Variants in TRMT1L observed in about 807,000 individuals in gnomAD.
TRMT1L encodes tRNA (guanine(27)-N(2))-dimethyltransferase.
A neutral mutation model predicts 81.6 loss-of-function variants in TRMT1L; 28 were observed. The observed-to-expected ratio is 0.34, with a 90% confidence interval of 0.25 to 0.47. The LOEUF (loss-of-function observed/expected upper bound fraction) is 0.47, where lower values mean the gene tolerates loss of function less well. TRMT1L is among the 20% of genes least tolerant of loss of function. The pLI, the probability that TRMT1L is intolerant of heterozygous loss-of-function variation, is 1.00. For synonymous variants in TRMT1L, 301 were observed against 303.2 expected, an observed-to-expected ratio of 0.99 and a Z score of 0.07; for missense variants, 739 against 877.1, an observed-to-expected ratio of 0.84 and a Z score of 1.99.
rs995312610 is a variant in TRMT1L, at chr1:185,145,444, A to G, written c.650T>C (p.Ile217Thr). 1.3e-5 allele frequency: 21 copies of G among 1,609,676 alleles called. No individual in the cohort carries two copies. The highest frequency in any genetic ancestry group is 1.8e-5 in the Non-Finnish European group (21 of 1,177,092). ...AATGAGATTGCTCAACTTACCTGCA[A>G]TATAACTAGATTTAGTCTCTCCTTT... ...MNKGETKSSY[I>T]AASTAKPPKE... is the part of the protein sequence containing the mutation. The change falls in exon 5 of 15, where the codon ATT (isoleucine) becomes ACT (threonine). Residue 217 changes from isoleucine (I) to threonine (T), a missense_variant. Physicochemically the swap from Ile to Thr is moderately conservative, Grantham distance 89. Transcript: ENST00000367506.
intron 10 of TRMT1L, among the ~76,000 whole-genome samples, chr1:185,135,221 G>A (rs893023064): frequency 1.3e-5 from 2 of 150,832 alleles, no homozygotes; most frequent in Admixed American, 1.3e-4. Context: ...TTCGTGACCA[G>A]CCTGGGCAAC....
chr1:185,135,687 A>T (rs888062303), intron 10 of TRMT1L, among the ~76,000 whole-genome samples: 1 of 150,858 alleles, frequency 6.6e-6, no homozygotes, highest in Admixed American at 6.6e-5. Flanking sequence ...GAACTAGTTT[A>T]AAAAAAAATC....
Position 185,119,062 on chromosome 1 carries a change from A to G in TRMT1L, c.*957T>C, listed in dbSNP as rs1209965369. ...GGAAACAATATTTTTTTTTTCAACT[A>G]ATTTTTATAGTTACATCAGCCTGGG... On this transcript the variant is annotated 3_prime_UTR_variant, in exon 15 of 15. Transcript: ENST00000367506. 1.3e-5 allele frequency: 2 copies of G among 152,044 alleles called. No individual in the cohort carries two copies. Among genetic ancestry groups the G allele is most frequent in the South Asian group, 2.1e-4 (1 of 4,834 alleles). 9.4% of individuals were successfully genotyped at this position (152,044 alleles called of 1,614,324 possible).
chr1:185,134,168 G>A (rs1025654607), intron 10 of TRMT1L, among the ~76,000 whole-genome samples: 8 of 123,478 alleles, frequency 6.5e-5, no homozygotes, highest in South Asian at 2.4e-4. Context: ...TAAGACTTAC[G>A]GAACTATTTG....
At chr1:185,135,623 T>C (rs1652881952) in intron 10 of TRMT1L, among the ~76,000 whole-genome samples, 1 of 151,856 alleles carries the variant, frequency 6.6e-6, no homozygotes. Context: ...TAGGTGAATA[T>C]TACTAAACCT....
chr1:185,155,761 C>T (rs1213647219), intron 1 of TRMT1L, among the ~76,000 whole-genome samples: 1 of 152,102 alleles, frequency 6.6e-6, no homozygotes, highest in Non-Finnish European at 1.5e-5. Flanking sequence ...CCTATATGGT[C>T]CAATAAACCA....
At chr1:185,143,464 C>G (rs1653103340) in intron 6 of TRMT1L, 28 bp from the exon 7 acceptor site, 1 of 1,573,938 alleles carries the variant, frequency 6.4e-7, no homozygotes, top group Non-Finnish European at 8.7e-7. Flanking sequence ...TCTGAAATAA[C>G]TTTACCATGG....
chr1:185,125,404 G>A (rs1438893424), intron 11 of TRMT1L, among the ~76,000 whole-genome samples: 1 of 151,976 alleles, frequency 6.6e-6, no homozygotes, highest in Non-Finnish European at 1.5e-5. Context: ...TGGGCTCAAG[G>A]GATCCTCCTA....
chr1:185,133,970 T>G (rs1230544144), intron 10 of TRMT1L, among the ~76,000 whole-genome samples: 1 of 152,138 alleles, frequency 6.6e-6, no homozygotes, highest in Non-Finnish European at 1.5e-5. Context: ...ATTGATGTAG[T>G]CCAACGTGGA....
At chr1:185,120,784 C>A in intron 13 of TRMT1L, 1 of 222,658 alleles carries the variant, frequency 4.5e-6, no homozygotes, top group Non-Finnish European at 8.7e-6. Flanking sequence ...TGGGGCTAGT[C>A]ACTTCATACA....
At position 185,119,347 on chromosome 1, in the gene TRMT1L, T is replaced by C. The variant is rs1175670967; in HGVS notation, c.*672A>G. 6.6e-6 allele frequency: 1 copy of C among 152,162 alleles called. No homozygotes were observed. The highest frequency in any genetic ancestry group is 2.4e-5 in the African/African-American group (1 of 41,454). 9.4% of individuals were successfully genotyped at this position (152,162 alleles called of 1,614,324 possible). On this transcript the variant is annotated 3_prime_UTR_variant, in exon 15 of 15. Transcript: ENST00000367506. ...CTCATGAACAAGTATTATATTAGAT[T>C]AATGGTCTCAATTTATTCTGACAAA...
At chr1:185,134,370 T>TA (rs1373489536) in intron 10 of TRMT1L, among the ~76,000 whole-genome samples, 3 of 152,136 alleles carry the variant, frequency 2.0e-5, no homozygotes, top group African/African-American at 7.2e-5. Context: ...TTTTGTACTT[T>TA]TAGTAGAGAT....
chr1:185,148,328 T>C (rs1180734979), intron 3 of TRMT1L, among the ~76,000 whole-genome samples: 1 of 152,172 alleles, frequency 6.6e-6, no homozygotes, highest in Admixed American at 6.5e-5. Context: ...TTTCCCACAC[T>C]TGGTCCTAAT....
intron 7 of TRMT1L, 74 bp downstream of exon 7, chr1:185,143,281 CAT>C: frequency 7.7e-7 from 1 of 1,298,668 alleles, no homozygotes; most frequent in Non-Finnish European, 1.1e-6. Flanking sequence ...CATCACTGCC[CAT>C]ATATATTTTC....
rs1653105515 is a variant in TRMT1L at position 185,143,536 on chromosome 1, C to T, written c.780-100G>A. On this transcript the variant is annotated intron_variant, in intron 6 of 14. Transcript: ENST00000367506. ...TGAACTGAAGTTCCTAGTTACTGTA[C>T]AAACTATTTCAAAAGGAGACCTGAA... 8.3e-6 allele frequency: 8 copies of T among 969,258 alleles called. No individual in the cohort carries two copies. The South Asian group carries it at 1.4e-4, about 17-fold the overall frequency. 60.0% of individuals were successfully genotyped at this position (969,258 alleles called of 1,614,324 possible). A position where few individuals can be genotyped will look rare whatever the true frequency, so the allele number is the denominator to read the frequency against.
intron 1 of TRMT1L, among the ~76,000 whole-genome samples, chr1:185,155,684 C>T (rs556515049): frequency 4.4e-4 from 67 of 152,324 alleles, no homozygotes; most frequent in Non-Finnish European, 7.8e-4. Context: ...TTATGTCTTT[C>T]TTAGACCTTA....
chr1:185,130,697 C>T (rs1305920420), intron 10 of TRMT1L, among the ~76,000 whole-genome samples: 1 of 152,120 alleles, frequency 6.6e-6, no homozygotes, highest in Non-Finnish European at 1.5e-5. Flanking sequence ...CTGTGTCCTC[C>T]CCATTCCAAA....
Position 185,140,205 on chromosome 1 carries a change from A to G in TRMT1L, c.877T>C (p.Trp293Arg). 6.2e-7 allele frequency: 1 copy of G among 1,613,172 alleles called. No individual in the cohort carries two copies. Among genetic ancestry groups the G allele is most frequent in the Non-Finnish European group, 8.5e-7 (1 of 1,179,466 alleles). Reference protein sequence around the residue: ...FGATGIMGLQWAKHLGNAVKV... With the variant: ...FGATGIMGLQRAKHLGNAVKV... ...ACTGCATTTCCAAGATGTTTTGCCC[A>G]CTGTAATCCCATTATCCCTTAGGAA... The change falls in exon 8 of 15, where the codon TGG (tryptophan) becomes CGG (arginine). Residue 293 changes from tryptophan (W) to arginine (R), a missense_variant. Coordinates refer to ENST00000367506, the MANE Select transcript of TRMT1L (RefSeq NM_030934.5).
At position 185,148,574 on chromosome 1, in the gene TRMT1L, T is replaced by C. The variant is rs549943108; in HGVS notation, c.461-1328A>G. Among the ~76,000 whole-genome samples the C allele has an allele frequency of 7.2e-5, 11 of 152,304 alleles. No homozygotes were observed. In the East Asian group the frequency reaches 1.4e-3, roughly 19 times the overall value. ...TGTGAAAGAACCCAATAGCCTAATG[T>C]ACATGAGAGAACCACATCCATGAGT... On this transcript the variant is annotated intron_variant, in intron 3 of 14. Coordinates refer to ENST00000367506, the MANE Select transcript of TRMT1L (RefSeq NM_030934.5).
Sources: allele counts gnomAD v4.1 joint callset (sites outside exome capture counted in the v4.1 genomes callset), GRCh38; gene constraint gnomAD v4.1.1; transcripts MANE v1.5; gene names NCBI Gene and HGNC (gene_info 2026-07-23, HGNC 2026-07-21).